The following CACNA2D3 variants were observed in gnomAD, a reference collection of about 807,000 sequenced individuals.
CACNA2D3 encodes voltage-dependent calcium channel subunit alpha-2/delta-3.
Under a neutral mutation model 160.6 loss-of-function variants are expected in CACNA2D3, and 60 were observed. That is an observed-to-expected ratio of 0.37 (90% confidence interval 0.30 to 0.46). The LOEUF is 0.46. CACNA2D3 is among the 20% of genes least tolerant of loss of function. CACNA2D3 has a pLI of 1.00. For synonymous variants in CACNA2D3, 558 were observed against 492.9 expected (o/e 1.13, Z -1.75); for missense variants, 1,205 against 1,365.0 (o/e 0.88, Z 1.85).
rs907676137 is a variant in CACNA2D3, at chr3:54,581,822, A to G, written c.908A>G (p.Tyr303Cys). The G allele has an allele frequency of 3.1e-6, 5 of 1,613,748 alleles. No homozygotes were observed. The highest frequency in any genetic ancestry group is 4.2e-6 in the Non-Finnish European group (5 of 1,179,814). The change falls in exon 9 of 38, where the codon TAT (tyrosine) becomes TGT (cysteine). Residue 303 changes from tyrosine to cysteine, a missense_variant. By Grantham distance (194) the Tyr-to-Cys change is radical. Around this residue, in one of 3 missense-constraint regions of CACNA2D3, gnomAD observed 911 missense variants for 1,002.2 expected, o/e 0.91. Transcript: ENST00000474759. ...TTGCAGTATAATGAGGAGCTTCACT[A>G]TGTGGAACCTTGCCTGAATGGAACT... ...NIIAYNEELH[Y>C]VEPCLNGTLV...
intron 2 of CACNA2D3, among the ~76,000 whole-genome samples, chr3:54,248,590 C>T (rs757339795): frequency 1.5e-4 from 23 of 151,984 alleles, no homozygotes; most frequent in Non-Finnish European, 2.5e-4. Context: ...CAGGAATCCA[C>T]AGGCACAGAG....
intron 30 of CACNA2D3, among the ~76,000 whole-genome samples, chr3:54,985,240 G>A (rs940879990): frequency 2.6e-5 from 4 of 152,210 alleles, no homozygotes; most frequent in African/African-American, 9.7e-5. Context: ...CATGTGCAGT[G>A]TAGGGGTGGG....
At chr3:54,892,204 T>C (rs1343578368) in intron 25 of CACNA2D3, among the ~76,000 whole-genome samples, 3 of 152,176 alleles carry the variant, frequency 2.0e-5, no homozygotes, top group Non-Finnish European at 4.4e-5. Flanking sequence ...CATGGACAAA[T>C]GGGTCCCAAG....
intron 14 of CACNA2D3, among the ~76,000 whole-genome samples, chr3:54,826,883 G>C (rs1703760961): frequency 6.6e-6 from 1 of 152,142 alleles, no homozygotes; most frequent in Non-Finnish European, 1.5e-5. Context: ...TTTCAAAGAA[G>C]CATAAGAATT....
chr3:55,039,673 A>C (rs1703916885), intron 35 of CACNA2D3, among the ~76,000 whole-genome samples: 1 of 152,096 alleles, frequency 6.6e-6, no homozygotes, highest in African/African-American at 2.4e-5. Context: ...TATTTTGTAC[A>C]TTTTCTGCCT....
At chr3:54,247,770 A>T (rs1702108506) in intron 2 of CACNA2D3, among the ~76,000 whole-genome samples, 1 of 152,120 alleles carries the variant, frequency 6.6e-6, no homozygotes, top group African/African-American at 2.4e-5. Flanking sequence ...AATGAAAAGG[A>T]TTTGAAATTC....
At chr3:54,884,853 A>G (rs987280028) in intron 21 of CACNA2D3, among the ~76,000 whole-genome samples, 5 of 152,234 alleles carry the variant, frequency 3.3e-5, no homozygotes, top group African/African-American at 9.6e-5. Flanking sequence ...TGCTTTTCAC[A>G]TGAAGAAACT....
chr3:54,678,882 A>C (rs888236542), intron 11 of CACNA2D3, among the ~76,000 whole-genome samples: 6 of 152,170 alleles, frequency 3.9e-5, no homozygotes, highest in African/African-American at 1.4e-4. Flanking sequence ...CAAGTGTAGC[A>C]GTGGTAGCTC....
chr3:54,913,124 A>C (rs1184856729), intron 27 of CACNA2D3, among the ~76,000 whole-genome samples: 1 of 152,052 alleles, frequency 6.6e-6, no homozygotes, highest in Non-Finnish European at 1.5e-5. Flanking sequence ...TCACTCGGTC[A>C]CTCAGACTGG....
At chr3:54,979,314 T>G (rs150044837) in intron 29 of CACNA2D3, among the ~76,000 whole-genome samples, 15 of 152,272 alleles carry the variant, frequency 9.9e-5, no homozygotes, top group Non-Finnish European at 1.8e-4. Flanking sequence ...TCCTTAAAGG[T>G]AAACACACCA....
At chr3:54,428,669 C>T (rs947698043) in intron 4 of CACNA2D3, among the ~76,000 whole-genome samples, 5 of 151,956 alleles carry the variant, frequency 3.3e-5, no homozygotes, top group East Asian at 1.9e-4. Context: ...TCTCTTTCTA[C>T]CTTTCAAAAT....
chr3:54,247,522 AAC>A (rs1414443861), intron 2 of CACNA2D3, among the ~76,000 whole-genome samples: 1 of 152,212 alleles, frequency 6.6e-6, no homozygotes, highest in African/African-American at 2.4e-5. Context: ...AGAGCAAATA[AAC>A]ACAACAGATA....
At chr3:54,342,822 C>G (rs183517724) in intron 3 of CACNA2D3, among the ~76,000 whole-genome samples, 1 of 152,208 alleles carries the variant, frequency 6.6e-6, no homozygotes, top group African/African-American at 2.4e-5. Context: ...TTCCCGAAGC[C>G]TGATCTGGGC....
At chr3:54,626,679 C>A in intron 9 of CACNA2D3, 1 of 468,598 alleles carries the variant, frequency 2.1e-6, no homozygotes, top group Non-Finnish European at 3.5e-6. Flanking sequence ...GCACATGGTT[C>A]CAGTCAAAAA....
intron 2 of CACNA2D3, among the ~76,000 whole-genome samples, chr3:54,195,854 C>G (rs1276854475): frequency 6.6e-6 from 1 of 152,188 alleles, no homozygotes; most frequent in Non-Finnish European, 1.5e-5. Context: ...CAGCAGAGAT[C>G]CTGCTGGACA....
intron 11 of CACNA2D3, among the ~76,000 whole-genome samples, chr3:54,750,128 G>C (rs1701830728): frequency 1.3e-5 from 2 of 152,168 alleles, no homozygotes; most frequent in Admixed American, 1.3e-4. Flanking sequence ...AAGTTTTGCT[G>C]GTGATTCACA....
At chr3:54,353,636 G>A (rs1340718183) in intron 3 of CACNA2D3, among the ~76,000 whole-genome samples, 1 of 152,112 alleles carries the variant, frequency 6.6e-6, no homozygotes. Context: ...GCAGAGTAGT[G>A]TTTGAAAATG....
At chr3:54,951,045 T>G (rs1373691848) in intron 27 of CACNA2D3, among the ~76,000 whole-genome samples, 1 of 152,210 alleles carries the variant, frequency 6.6e-6, no homozygotes, top group East Asian at 1.9e-4. Context: ...ATGAAATTCA[T>G]AGAAAATGTA....
chr3:55,006,355 C>A (rs1703093848), intron 32 of CACNA2D3, among the ~76,000 whole-genome samples: 2 of 152,200 alleles, frequency 1.3e-5, no homozygotes, highest in South Asian at 2.1e-4. Flanking sequence ...CTTTCCCCCG[C>A]AACCTCCAAA....
Sources: allele counts gnomAD v4.1 joint callset (sites outside exome capture counted in the v4.1 genomes callset), GRCh38; gene constraint gnomAD v4.1.1; regional missense constraint gnomAD v4.1.1; transcripts MANE v1.5; gene names NCBI Gene and HGNC (gene_info 2026-07-23, HGNC 2026-07-21).